The following NLRC5 variants were observed in gnomAD, a reference collection of about 807,000 sequenced individuals.
NLRC5 encodes NLR family CARD domain containing 5, also known as protein NLRC5.
Under a neutral mutation model 206.9 loss-of-function variants are expected in NLRC5, and 114 were observed. The observed-to-expected ratio is 0.55, with a 90% CI of 0.47 to 0.64. NLRC5 has a LOEUF of 0.64. NLRC5 is among the 30% of genes least tolerant of loss of function. NLRC5 has a pLI of 0.00. For synonymous variants in NLRC5, 952 were observed against 962.8 expected (o/e 0.99, Z 0.21); for missense variants, 2,008 against 2,305.5 (o/e 0.87, Z 2.64).
intron 10 of NLRC5, 48 bp from the exon 11 acceptor site, chr16:57,031,356 G>T (rs1360515951): frequency 1.2e-6 from 2 of 1,601,686 alleles, no homozygotes; most frequent in African/African-American, 2.7e-5. Flanking sequence ...TGGGTGATGT[G>T]CTGGTTTCCA....
At chr16:57,013,468 G>A in intron 1 of NLRC5, 2 of 708,404 alleles carry the variant, frequency 2.8e-6, no homozygotes, top group Non-Finnish European at 5.2e-6. Context: ...GCTGTCCAGA[G>A]AAATCTGAGT....
chr16:57,046,513 G>T, intron 21 of NLRC5, 39 bp from the exon 22 acceptor site: 3 of 1,564,156 alleles, frequency 1.9e-6, no homozygotes, highest in African/African-American at 1.3e-5. Flanking sequence ...GTCCGAGGGG[G>T]TGATCTGAAC....
At position 57,082,782 on chromosome 16, in the gene NLRC5, A is replaced by G. The variant is rs2069304553; in HGVS notation, c.*254A>G. 7 of 387,832 alleles carry G rather than the reference A, an allele frequency of 1.8e-5. No individual in the cohort carries two copies. Among genetic ancestry groups the G allele is most frequent in the East Asian group, 1.7e-4 (4 of 23,394 alleles). 24.0% of individuals were successfully genotyped at this position (387,832 alleles called of 1,614,324 possible). On this transcript the variant is annotated 3_prime_UTR_variant, in exon 49 of 49. Transcript: ENST00000688547. ...ATCAATTGGGGACATGCGACACACA[A>G]TGAGGGTGTCATGACAATGCATGAC...
chr16:57,074,372 A>G (rs2068105748), intron 38 of NLRC5: 5 of 467,598 alleles, frequency 1.1e-5, no homozygotes, highest in South Asian at 2.6e-5. Flanking sequence ...GTCTTGGTCC[A>G]TGTGGTTCAG....
intron 15 of NLRC5, among the ~76,000 whole-genome samples, chr16:57,037,884 G>A (rs550801371): frequency 6.6e-6 from 1 of 152,234 alleles, no homozygotes; most frequent in African/African-American, 2.4e-5. Context: ...CCAGTAGGGT[G>A]GTCCCTGCTT....
chr16:57,032,935 C>T (rs1567569512), intron 11 of NLRC5, among the ~76,000 whole-genome samples: 1 of 151,872 alleles, frequency 6.6e-6, no homozygotes, highest in East Asian at 1.9e-4. Flanking sequence ...GAGTTTGAGG[C>T]TGCAGTGAAC....
At chr16:57,001,953 C>T (rs1258263777) in intron 1 of NLRC5, among the ~76,000 whole-genome samples, 2 of 151,766 alleles carry the variant, frequency 1.3e-5, no homozygotes, top group African/African-American at 4.8e-5. Context: ...ATCTCCATGA[C>T]TTAAATTGTT....
intron 38 of NLRC5, among the ~76,000 whole-genome samples, chr16:57,071,821 T>C (rs2067840686): frequency 6.7e-6 from 1 of 149,914 alleles, no homozygotes; most frequent in African/African-American, 2.5e-5. Context: ...GGGATGACAG[T>C]GGTTAATGGG....
At chr16:57,045,592 TCA>T in intron 21 of NLRC5, 100 bp downstream of exon 21, 1 of 1,126,246 alleles carries the variant, frequency 8.9e-7, no homozygotes, top group Non-Finnish European at 1.3e-6. Flanking sequence ...CACTCAGCTC[TCA>T]GTTAAACCAC....
rs1410444661 is a variant in NLRC5, at chr16:57,055,021, G to C, written c.3597-11G>C. The C allele has an allele frequency of 3.1e-6, 5 of 1,614,094 alleles. No individual in the cohort carries two copies. The highest frequency in any genetic ancestry group is 4.2e-6 in the Non-Finnish European group (5 of 1,180,052). ...GCCACAGCTGTCTGACCCAGGTCCT[G>C]TCTGATCCAGGTCCCTGCACCATGC... On this transcript the variant is annotated splice_polypyrimidine_tract_variant and intron_variant, in intron 25 of 48. Transcript: ENST00000688547.
intron 9 of NLRC5, 53 bp from the exon 10 acceptor site, chr16:57,029,942 G>T: frequency 6.2e-7 from 1 of 1,608,560 alleles, no homozygotes; most frequent in Non-Finnish European, 8.5e-7. Context: ...GGAAGGTCTG[G>T]GGCCCCTGGG....
chr16:57,061,438 C>T lies in NLRC5; in HGVS notation c.3987-10C>T, dbSNP rs1484883331. 4 of 1,610,140 alleles carry T rather than the reference C, an allele frequency of 2.5e-6. No homozygotes were observed. The South Asian group carries it at 4.4e-5, about 18-fold the overall frequency. ...CTCACCCAGGCTCTGCCCTGGCTTTCTGCCCTCAGGCTAAGTGAGTGCAGC... is the reference window on the plus strand; with the variant it reads ...CTCACCCAGGCTCTGCCCTGGCTTTTTGCCCTCAGGCTAAGTGAGTGCAGC... On this transcript the variant is annotated splice_polypyrimidine_tract_variant and intron_variant, in intron 30 of 48. Coordinates refer to ENST00000688547, the MANE Select transcript of NLRC5 (RefSeq NM_001384950.1).
chr16:57,037,807 G>A (rs1202395776), intron 15 of NLRC5, among the ~76,000 whole-genome samples: 1 of 152,182 alleles, frequency 6.6e-6, no homozygotes, highest in South Asian at 2.1e-4. Flanking sequence ...TTGAGTATGG[G>A]GAGGTGAGGA....
chr16:57,001,054 T>G (rs1293903738), intron 1 of NLRC5, among the ~76,000 whole-genome samples: 1 of 152,212 alleles, frequency 6.6e-6, no homozygotes, highest in East Asian at 1.9e-4. Flanking sequence ...GCTCAGGTGT[T>G]ATCCGAAGCC....
At chr16:57,041,418 G>T (rs1356193769) in intron 17 of NLRC5, 67 bp from the exon 18 acceptor site, 1 of 1,351,830 alleles carries the variant, frequency 7.4e-7, no homozygotes, top group South Asian at 1.2e-5. Flanking sequence ...TCTGGGGGGT[G>T]GGAAAGCGGC....
At chr16:57,033,223 T>C (rs1479133849) in intron 11 of NLRC5, among the ~76,000 whole-genome samples, 1 of 152,164 alleles carries the variant, frequency 6.6e-6, no homozygotes, top group East Asian at 1.9e-4. Context: ...GCAGCTTCTG[T>C]TTACTAACCT....
rs931417811 is a variant in NLRC5 at position 57,082,821 on chromosome 16, T to C, written c.*293T>C. On this transcript the variant is annotated 3_prime_UTR_variant, in exon 49 of 49. Coordinates refer to ENST00000688547, the MANE Select transcript of NLRC5 (RefSeq NM_001384950.1). ...ACAATGCATGACACGTACGGTTATA[T>C]GTGGCAGTGTGACCCCTTGACATGT... The C allele has an allele frequency of 3.4e-5, 10 of 293,600 alleles. No homozygotes were observed. The highest frequency in any genetic ancestry group is 6.4e-5 in the Non-Finnish European group (10 of 157,092). 18.2% of individuals were successfully genotyped at this position (293,600 alleles called of 1,614,324 possible).
chr16:57,028,264 C>G (rs753835110), intron 7 of NLRC5, 38 bp from the exon 8 acceptor site: 5 of 1,599,824 alleles, frequency 3.1e-6, no homozygotes, highest in Non-Finnish European at 4.3e-6. Flanking sequence ...CCCTTTTCCC[C>G]TCCTCGTTCC....
At chr16:57,003,190 A>G (rs982068162) in intron 1 of NLRC5, among the ~76,000 whole-genome samples, 3 of 152,016 alleles carry the variant, frequency 2.0e-5, no homozygotes, top group Non-Finnish European at 4.4e-5. Flanking sequence ...CTGGGATTAC[A>G]GGCGCCTGCC....
Sources: gnomAD v4.1 joint callset for allele counts (sites outside exome capture counted in the v4.1 genomes callset) on GRCh38, gnomAD v4.1.1 for gene constraint, MANE v1.5 for transcripts, NCBI Gene and HGNC (gene_info 2026-07-23, HGNC 2026-07-21) for gene names.